Variants in TMEM38B observed in about 807,000 individuals in gnomAD.
The protein encoded by TMEM38B is transmembrane protein 38B.
A neutral mutation model predicts 28.7 loss-of-function variants in TMEM38B; 24 were observed. That is an observed-to-expected ratio of 0.84 (90% CI 0.61 to 1.18). TMEM38B has a LOEUF of 1.18. Ranked by LOEUF, TMEM38B falls within the 50% of genes most tolerant of loss-of-function variation. The pLI is 0.00. For missense variants in TMEM38B, 380 were observed against 350.9 expected (o/e 1.08, Z -0.66); for synonymous variants, 131 against 127.7 (o/e 1.03, Z -0.17).
Position 105,748,100 on chromosome 9 carries a change from A to C in TMEM38B, c.570A>C (p.Ser190=). 6.2e-6 allele frequency: 10 copies of C among 1,613,532 alleles called. No homozygotes were observed. Among genetic ancestry groups the C allele is most frequent in the Non-Finnish European group, 7.6e-6 (9 of 1,179,622 alleles). The change falls in exon 5 of 6, where the codon TCA becomes TCC. Residue 190 remains serine (S), a synonymous_variant. Transcript: ENST00000374692. The stretch of plus-strand genomic sequence containing the variant: ...CTGCCAAGGTAACCCTGCTGGGGTC[A>C]GTTATCTTCACATTCCAGCACACCC... ...SYPAKVTLLG[S]VIFTFQHTQH... is the part of the protein sequence containing the mutation.
intron 4 of TMEM38B, among the ~76,000 whole-genome samples, chr9:105,739,305 C>CTT (rs769439573): frequency 2.9e-5 from 4 of 136,834 alleles, no homozygotes; most frequent in Non-Finnish European, 6.4e-5. Context: ...TAACTTGGTT[C>CTT]TTTTTTTTTT....
chr9:105,720,901 T>C (rs754291995), intron 2 of TMEM38B, among the ~76,000 whole-genome samples: 28 of 152,144 alleles, frequency 1.8e-4, no homozygotes, highest in Non-Finnish European at 3.4e-4. Context: ...GGATGAATTA[T>C]TTTTAATCAC....
intron 2 of TMEM38B, among the ~76,000 whole-genome samples, chr9:105,715,462 T>C (rs879800652): frequency 2.3e-4 from 35 of 152,162 alleles, no homozygotes; most frequent in Non-Finnish European, 4.3e-4. Flanking sequence ...TTTTTTTTAA[T>C]TGAGAAAGTA....
chr9:105,705,224 A>G (rs1011237774), intron 1 of TMEM38B, among the ~76,000 whole-genome samples: 1 of 152,136 alleles, frequency 6.6e-6, no homozygotes, highest in African/African-American at 2.4e-5. Context: ...TAAGATTGTA[A>G]ATTTTTCTTA....
intron 5 of TMEM38B, among the ~76,000 whole-genome samples, chr9:105,756,000 G>A (rs1284523505): frequency 6.6e-6 from 1 of 152,128 alleles, no homozygotes; most frequent in African/African-American, 2.4e-5. Context: ...GGAGGCCAAG[G>A]TTGGCAGATC....
At chr9:105,735,684 A>G (rs75208409) in intron 4 of TMEM38B, among the ~76,000 whole-genome samples, 2 of 152,166 alleles carry the variant, frequency 1.3e-5, no homozygotes, top group Admixed American at 6.5e-5. Flanking sequence ...TGTATGTGAC[A>G]TGTCAGTTTT....
intron 5 of TMEM38B, chr9:105,759,451 A>G (rs371364328): frequency 6.4e-7 from 1 of 1,564,740 alleles, no homozygotes; most frequent in South Asian, 1.2e-5. Flanking sequence ...TGCTAAGAAA[A>G]TGCAGCTAGT....
chr9:105,764,870 T>G (rs2133645844), intron 5 of TMEM38B, among the ~76,000 whole-genome samples: 1 of 151,820 alleles, frequency 6.6e-6, no homozygotes, highest in Admixed American at 6.6e-5. Flanking sequence ...CATGATACTG[T>G]TACCAAAACA....
At chr9:105,710,334 C>T in intron 2 of TMEM38B, 1 of 698,544 alleles carries the variant, frequency 1.4e-6, no homozygotes, top group Non-Finnish European at 2.6e-6. Flanking sequence ...GGTCTTCCAG[C>T]CAGTCTATTT....
In TMEM38B at chr9:105,773,907, C is replaced by T. The variant is rs574546409; in HGVS notation, c.703C>T (p.Pro235Ser). Residue 235 changes from proline to serine, a missense_variant, in exon 6 of 6, where the codon CCT (proline) becomes TCT (serine). Coordinates refer to ENST00000374692, the MANE Select transcript of TMEM38B (RefSeq NM_018112.3). ...TTQTSTMTFA[P>S]FEDTLSWMLF... ...ACAGACTTCTACTATGACATTTGCT[C>T]CTTTTGAGGATACATTGAGTTGGAT... The T allele has an allele frequency of 3.1e-6, 5 of 1,613,714 alleles. No homozygotes were observed. In the African/African-American group the frequency reaches 5.3e-5, roughly 17 times the overall value.
chr9:105,768,117 G>T (rs958926173), intron 5 of TMEM38B, among the ~76,000 whole-genome samples: 3 of 151,996 alleles, frequency 2.0e-5, no homozygotes, highest in Non-Finnish European at 4.4e-5. Flanking sequence ...TTTCTAGTTT[G>T]CTGAAAGTGT....
chr9:105,742,609 G>A (rs1837246326), intron 4 of TMEM38B, among the ~76,000 whole-genome samples: 1 of 152,074 alleles, frequency 6.6e-6, no homozygotes. Context: ...ATTTAAAATG[G>A]ACTTCTTCCT....
At chr9:105,750,862 T>C (rs1212736333) in intron 5 of TMEM38B, among the ~76,000 whole-genome samples, 1 of 152,226 alleles carries the variant, frequency 6.6e-6, no homozygotes, top group Admixed American at 6.5e-5. Flanking sequence ...TGTGGATATA[T>C]AGTTGTCTGA....
chr9:105,752,354 C>T (rs754819155), intron 5 of TMEM38B, among the ~76,000 whole-genome samples: 1 of 152,198 alleles, frequency 6.6e-6, no homozygotes, highest in Non-Finnish European at 1.5e-5. Flanking sequence ...GGTCCCTGAT[C>T]CTGTTCCTCC....
chr9:105,748,493 C>T (rs1837518337), intron 5 of TMEM38B, among the ~76,000 whole-genome samples: 1 of 152,142 alleles, frequency 6.6e-6, no homozygotes, highest in African/African-American at 2.4e-5. Context: ...GATACTGTCT[C>T]ATTTGTAAAA....
At position 105,775,227 on chromosome 9, in the gene TMEM38B, C is replaced by T. The variant is rs1170375765; in HGVS notation, c.*1147C>T. The stretch of plus-strand genomic sequence containing the variant: ...TAGTAACCAGCTAACCAAGAAGAAA[C>T]AGAGAAACCAGAACTTCATATGGCA... On this transcript the variant is annotated 3_prime_UTR_variant, in exon 6 of 6. Transcript: ENST00000374692. 1 of 151,998 alleles carries T rather than the reference C, an allele frequency of 6.6e-6. No individual in the cohort carries two copies. The highest frequency in any genetic ancestry group is 6.6e-5 in the Admixed American group (1 of 15,242). The allele number at this position is 151,998 out of a possible 1,614,324, so 9.4% of individuals were successfully genotyped here. A position where few individuals can be genotyped will look rare whatever the true frequency, so the allele number is the denominator to read the frequency against.
intron 4 of TMEM38B, among the ~76,000 whole-genome samples, chr9:105,738,555 G>C (rs181348446): frequency 1.3e-5 from 2 of 152,052 alleles, no homozygotes; most frequent in Admixed American, 1.3e-4. Flanking sequence ...TGGCCACCTT[G>C]CTAACATCAC....
chr9:105,696,954 C>T (rs553267453), intron 1 of TMEM38B, among the ~76,000 whole-genome samples: 36 of 152,304 alleles, frequency 2.4e-4, no homozygotes, highest in Middle Eastern at 3.4e-3. Flanking sequence ...GCCGCCACAA[C>T]TATTTAAAAT....
chr9:105,751,134 G>A (rs1837632855), intron 5 of TMEM38B, among the ~76,000 whole-genome samples: 1 of 152,200 alleles, frequency 6.6e-6, no homozygotes, highest in African/African-American at 2.4e-5. Context: ...CTCATGGAGA[G>A]AAGTGAAAAG....
Sources: gnomAD v4.1 joint callset for allele counts (sites outside exome capture counted in the v4.1 genomes callset) on GRCh38, gnomAD v4.1.1 for gene constraint, MANE v1.5 for transcripts, NCBI Gene and HGNC (gene_info 2026-07-23, HGNC 2026-07-21) for gene names.